The following DOCK3 variants were observed in gnomAD, a reference collection of about 807,000 sequenced individuals.
The protein encoded by DOCK3 is dedicator of cytokinesis protein 3.
Under a neutral mutation model 265.6 loss-of-function variants are expected in DOCK3, and 60 were observed. The observed-to-expected ratio is 0.23, with a 90% confidence interval of 0.18 to 0.28. DOCK3 has a LOEUF of 0.28. Ranked by LOEUF, DOCK3 falls within the 10% of genes least tolerant of loss-of-function variation. DOCK3 has a pLI of 1.00. For missense variants in DOCK3, 1,981 were observed against 2,594.3 expected (o/e 0.76, Z 5.14); for synonymous variants, 881 against 938.0 (o/e 0.94, Z 1.11).
At chr3:51,061,650 G>A (rs930453769) in intron 5 of DOCK3, among the ~76,000 whole-genome samples, 2 of 151,608 alleles carry the variant, frequency 1.3e-5, no homozygotes, top group Admixed American at 6.6e-5. Flanking sequence ...CAACATGGCA[G>A]ATGTATACAT....
At position 50,970,978 on chromosome 3, in the gene DOCK3, A is replaced by ATAT. The variant is rs1553717881; in HGVS notation, c.315+36902_315+36903insATT. ...TGTGTGTGTGTGTGTATATATATATATTTTTTTTATTTTAATTTTTAATTT... is the reference window on the plus strand; with the variant it reads ...TGTGTGTGTGTGTGTATATATATATATATTTTTTTTTATTTTAATTTTTAATTT... On this transcript the variant is annotated intron_variant, in intron 5 of 52. Transcript: ENST00000266037. Among the ~76,000 whole-genome samples, 50 of 18,564 alleles carry ATAT rather than the reference A, an allele frequency of 2.7e-3. 2 individuals are homozygous for ATAT. Among genetic ancestry groups the ATAT allele is most frequent in the Non-Finnish European group, 6.7e-3 (44 of 6,602 alleles). 12.2% of individuals were successfully genotyped at this position (18,564 alleles called of 152,430 possible).
At position 51,382,593 on chromosome 3, in the gene DOCK3, C is replaced by CT. The variant is rs1553619286; in HGVS notation, c.*1035dup. On this transcript the variant is annotated 3_prime_UTR_variant, in exon 53 of 53. Coordinates refer to ENST00000266037, the MANE Select transcript of DOCK3 (RefSeq NM_004947.5). ...GGCTGCCCAGCCAGGCTTCCAGGCCCTGAGGACATGTGGTCAGGTTCAGCA... is the reference window on the plus strand; with the variant it reads ...GGCTGCCCAGCCAGGCTTCCAGGCCCTTGAGGACATGTGGTCAGGTTCAGCA... 6.6e-6 allele frequency: 1 copy of CT among 152,612 alleles called. No individual in the cohort carries two copies. The highest frequency in any genetic ancestry group is 1.5e-5 in the Non-Finnish European group (1 of 68,082). 9.5% of individuals were successfully genotyped at this position (152,612 alleles called of 1,614,324 possible).
chr3:50,908,497 A>G (rs13092850), intron 4 of DOCK3, among the ~76,000 whole-genome samples: 8,805 of 152,078 alleles, frequency 0.058, 966 homozygotes, highest in African/African-American at 0.2. Flanking sequence ...CAATTCAGGA[A>G]CAGGTTGTTC....
At chr3:50,814,557 G>A (rs2675785) in intron 2 of DOCK3, among the ~76,000 whole-genome samples, 143,482 of 152,176 alleles carry the variant, frequency 0.94, 68,278 homozygotes, top group East Asian at 1. Flanking sequence ...ATGAGCCACC[G>A]CACCTGGCCT....
At chr3:51,142,093 C>G (rs1179314819) in intron 9 of DOCK3, among the ~76,000 whole-genome samples, 1 of 151,940 alleles carries the variant, frequency 6.6e-6, no homozygotes, top group East Asian at 1.9e-4. Flanking sequence ...CTTCTTCACT[C>G]TTTCCTGGAT....
chr3:51,321,828 G>A (rs1383147602), intron 32 of DOCK3, among the ~76,000 whole-genome samples: 1 of 152,202 alleles, frequency 6.6e-6, no homozygotes, highest in Non-Finnish European at 1.5e-5. Flanking sequence ...ATGGGACTCT[G>A]TGAAAAGACC....
At chr3:51,224,249 G>A (rs937646497) in intron 14 of DOCK3, among the ~76,000 whole-genome samples, 2 of 152,170 alleles carry the variant, frequency 1.3e-5, no homozygotes, top group Non-Finnish European at 2.9e-5. Flanking sequence ...ACAGTATTTT[G>A]AGAACCTTCA....
At chr3:51,005,915 A>C (rs894785362) in intron 5 of DOCK3, among the ~76,000 whole-genome samples, 16 of 152,174 alleles carry the variant, frequency 1.1e-4, no homozygotes, top group Non-Finnish European at 1.6e-4. Context: ...TAGAAGCAGA[A>C]GTCTAGAAAA....
intron 5 of DOCK3, among the ~76,000 whole-genome samples, chr3:50,963,986 G>A (rs1024940683): frequency 2.7e-4 from 41 of 152,332 alleles, no homozygotes; most frequent in African/African-American, 9.9e-4. Context: ...CAGGGCTAGG[G>A]AAACACTCAT....
chr3:51,124,400 TCTTTAA>T (rs1264287881), intron 9 of DOCK3, among the ~76,000 whole-genome samples: 1 of 152,010 alleles, frequency 6.6e-6, no homozygotes, highest in Non-Finnish European at 1.5e-5. Flanking sequence ...TGTGACTGAG[TCTTTAA>T]CTTTATTTAA....
chr3:51,257,987 T>A (rs2079642475), intron 22 of DOCK3, among the ~76,000 whole-genome samples: 1 of 152,208 alleles, frequency 6.6e-6, no homozygotes, highest in African/African-American at 2.4e-5. Flanking sequence ...GAAGTGGGTT[T>A]ATGTTCCATG....
intron 22 of DOCK3, among the ~76,000 whole-genome samples, chr3:51,249,222 G>C (rs1284861766): frequency 7.4e-6 from 1 of 134,750 alleles, no homozygotes; most frequent in African/African-American, 2.8e-5. Flanking sequence ...CCCCCGCCCG[G>C]CCAGCCGCCC....
chr3:51,304,120 A>G (rs1690957055), intron 27 of DOCK3, among the ~76,000 whole-genome samples: 1 of 152,072 alleles, frequency 6.6e-6, no homozygotes, highest in South Asian at 2.1e-4. Flanking sequence ...TGAAGTTGCT[A>G]AAATTCCTGC....
chr3:50,729,333 A>AG (rs2038042523), intron 1 of DOCK3, among the ~76,000 whole-genome samples: 1 of 141,584 alleles, frequency 7.1e-6, no homozygotes. Context: ...AAAAAAAAAA[A>AG]AAGTTGTTTA....
At chr3:51,053,571 GCCA>G (rs1272676716) in intron 5 of DOCK3, among the ~76,000 whole-genome samples, 2 of 151,688 alleles carry the variant, frequency 1.3e-5, no homozygotes, top group African/African-American at 2.4e-5. Context: ...ACAGGCACCT[GCCA>G]CCATGCCCGG....
intron 5 of DOCK3, among the ~76,000 whole-genome samples, chr3:50,967,660 G>A (rs1033580026): frequency 5.9e-5 from 9 of 152,256 alleles, no homozygotes; most frequent in Middle Eastern, 3.4e-3. Flanking sequence ...AAGCAAATAC[G>A]TCCTTCTTCA....
At chr3:50,886,406 A>G (rs1217382393) in intron 3 of DOCK3, among the ~76,000 whole-genome samples, 1 of 151,634 alleles carries the variant, frequency 6.6e-6, no homozygotes, top group Non-Finnish European at 1.5e-5. Flanking sequence ...CCTTTTTTTA[A>G]AAAATTTTAT....
At chr3:50,757,318 C>G (rs548875218) in intron 1 of DOCK3, among the ~76,000 whole-genome samples, 5 of 151,664 alleles carry the variant, frequency 3.3e-5, no homozygotes, top group Non-Finnish European at 5.9e-5. Context: ...ATTACAGGCG[C>G]GCATCACCAT....
At chr3:51,062,540 A>T (rs1392508456) in intron 5 of DOCK3, among the ~76,000 whole-genome samples, 1 of 152,102 alleles carries the variant, frequency 6.6e-6, no homozygotes, top group Admixed American at 6.5e-5. Context: ...CAGCCAGCCT[A>T]CCCTTGGCCA....
Sources: gnomAD v4.1 joint callset for allele counts (sites outside exome capture counted in the v4.1 genomes callset) on GRCh38, gnomAD v4.1.1 for gene constraint, MANE v1.5 for transcripts, NCBI Gene and HGNC (gene_info 2026-07-23, HGNC 2026-07-21) for gene names.